The following UMODL1 variants were observed in gnomAD, a reference collection of about 807,000 sequenced individuals.
UMODL1 encodes uromodulin like 1.
UMODL1 carries 128 observed loss-of-function variants against 136.3 expected under a neutral mutation model. The ratio of observed to expected loss-of-function variants is 0.94; its 90% CI spans 0.81 to 1.09. The LOEUF (loss-of-function observed/expected upper bound fraction) is 1.09, where lower values mean the gene tolerates loss of function less well. Ranked by LOEUF, UMODL1 falls within the 50% of genes least tolerant of loss-of-function variation. UMODL1 has a pLI of 0.00. For synonymous variants in UMODL1, 721 were observed against 720.0 expected, an observed-to-expected ratio of 1.00 and a Z score of -0.02; for missense variants, 1,766 against 1,725.6, an observed-to-expected ratio of 1.02 and a Z score of -0.41.
intron 21 of UMODL1, among the ~76,000 whole-genome samples, chr21:42,130,789 G>A (rs1275679469): frequency 6.6e-6 from 1 of 151,908 alleles, no homozygotes; most frequent in Non-Finnish European, 1.5e-5. Flanking sequence ...GGCCAAGGCA[G>A]GCCTGGGTTC....
In UMODL1 at chr21:42,119,102, TC is replaced by T; in HGVS notation, c.2476-5del. 6.2e-7 allele frequency: 1 copy of T among 1,611,002 alleles called. No homozygotes were observed. Among genetic ancestry groups the T allele is most frequent in the Non-Finnish European group, 8.5e-7 (1 of 1,178,960 alleles). The stretch of plus-strand genomic sequence containing the variant: ...TGGGGACCTCCTCACATGGCCTCTT[TC>T]CCCGCAGGTGCGGGGCTCCCTGCCA... On this transcript the variant is annotated splice_polypyrimidine_tract_variant and splice_region_variant and intron_variant, in intron 14 of 22. Transcript: ENST00000408910.
At chr21:42,064,526 A>G (rs1281886815) in intron 1 of UMODL1, among the ~76,000 whole-genome samples, 1 of 152,132 alleles carries the variant, frequency 6.6e-6, no homozygotes, top group Non-Finnish European at 1.5e-5. Flanking sequence ...AGCCAATTTC[A>G]ATTTCTTAGA....
intron 2 of UMODL1, among the ~76,000 whole-genome samples, chr21:42,080,511 G>A (rs2066349722): frequency 6.6e-6 from 1 of 152,216 alleles, no homozygotes; most frequent in African/African-American, 2.4e-5. Flanking sequence ...GCAAAAAAGG[G>A]AACGGAAGCA....
chr21:42,124,204 C>G (rs1412228990), intron 17 of UMODL1, among the ~76,000 whole-genome samples: 1 of 152,212 alleles, frequency 6.6e-6, no homozygotes, highest in Non-Finnish European at 1.5e-5. Flanking sequence ...GTGTTCAGGG[C>G]CCTGCTTGGG....
At chr21:42,107,252 T>A (rs901799771) in intron 9 of UMODL1, among the ~76,000 whole-genome samples, 5 of 152,216 alleles carry the variant, frequency 3.3e-5, no homozygotes, top group Non-Finnish European at 7.3e-5. Context: ...CTGTGAACCC[T>A]CTGCACCGAC....
At chr21:42,090,493 C>CG in intron 6 of UMODL1, 55 bp downstream of exon 6, 34 of 1,596,230 alleles carry the variant, frequency 2.1e-5, no homozygotes, top group Non-Finnish European at 2.8e-5. Flanking sequence ...CTGTTTGCCC[C>CG]GGGAATACTC....
chr21:42,111,128 A>G lies in UMODL1; in HGVS notation c.1899+7A>G, dbSNP rs528661575. The stretch of plus-strand genomic sequence containing the variant: ...AAAAGGCGTGGAGCAGGAGGTGCCC[A>G]GCACTGCCCCGGGTCTGGGGATGGA... On this transcript the variant is annotated splice_region_variant and intron_variant, in intron 11 of 22. Transcript: ENST00000408910. 7 of 1,604,540 alleles carry G rather than the reference A, an allele frequency of 4.4e-6. No homozygotes were observed. In the South Asian group the frequency reaches 7.8e-5, roughly 18 times the overall value.
At chr21:42,101,294 C>T (rs868278471) in intron 7 of UMODL1, among the ~76,000 whole-genome samples, 6 of 152,080 alleles carry the variant, frequency 3.9e-5, no homozygotes, top group South Asian at 2.1e-4. Flanking sequence ...TGCGATACGT[C>T]GGGGCCTGAG....
chr21:42,127,872 C>T (rs2067082873), intron 20 of UMODL1, 41 bp downstream of exon 20: 7 of 1,607,540 alleles, frequency 4.4e-6, no homozygotes, highest in African/African-American at 1.3e-5. Context: ...GTTGGATTCA[C>T]GTTCCTTATT....
chr21:42,081,944 C>T (rs1447821931), intron 2 of UMODL1, among the ~76,000 whole-genome samples: 1 of 152,234 alleles, frequency 6.6e-6, no homozygotes, highest in Non-Finnish European at 1.5e-5. Flanking sequence ...AGCAAGCCTC[C>T]ACCAGGCTCC....
chr21:42,140,388 T>TA (rs202091174), intron 22 of UMODL1, among the ~76,000 whole-genome samples: 2 of 113,488 alleles, frequency 1.8e-5, no homozygotes, highest in Non-Finnish European at 2.0e-5. Flanking sequence ...CAGGAAGGGA[T>TA]GTGTCCCAGG....
At chr21:42,075,592 C>T (rs917400641) in intron 1 of UMODL1, among the ~76,000 whole-genome samples, 4 of 152,194 alleles carry the variant, frequency 2.6e-5, no homozygotes, top group South Asian at 2.1e-4. Context: ...TAGATGTGCA[C>T]GAGATTCTAC....
intron 21 of UMODL1, among the ~76,000 whole-genome samples, chr21:42,134,812 A>T (rs1601285353): frequency 6.7e-6 from 1 of 148,882 alleles, no homozygotes; most frequent in South Asian, 2.1e-4. Context: ...TTTAGTAGAG[A>T]CGGGGGTTTT....
chr21:42,125,499 G>C (rs998107230), intron 17 of UMODL1, among the ~76,000 whole-genome samples: 1 of 152,212 alleles, frequency 6.6e-6, no homozygotes, highest in Non-Finnish European at 1.5e-5. Flanking sequence ...AACCTGCACT[G>C]TTTCAACAGC....
At position 42,076,112 on chromosome 21, in the gene UMODL1, G is replaced by A. The variant is rs367819198; in HGVS notation, c.184G>A (p.Gly62Ser). 36 of 1,614,124 alleles carry A rather than the reference G, an allele frequency of 2.2e-5. No homozygotes were observed. The highest frequency in any genetic ancestry group is 1.6e-4 in the African/African-American group (12 of 74,946). ...GTCCTACACGTCCTATGTGTCCTGC[G>A]GCGGCTGGATCCCCTGGAGGCGGTG... is the stretch of plus-strand genomic sequence containing the variant. ...QTSYTSYVSC[G>S]GWIPWRRCPK... The change falls in exon 2 of 23, where the codon GGC (glycine) becomes AGC (serine). Residue 62 changes from glycine to serine, a missense_variant. Gly to Ser is a moderately conservative substitution (Grantham distance 56, BLOSUM62 0). Transcript: ENST00000408910.
At chr21:42,077,995 G>A (rs2066315218) in intron 2 of UMODL1, among the ~76,000 whole-genome samples, 1 of 152,212 alleles carries the variant, frequency 6.6e-6, no homozygotes, top group African/African-American at 2.4e-5. Flanking sequence ...ATGACAGGGA[G>A]AGTTGATGCG....
At chr21:42,116,073 C>G in intron 14 of UMODL1, 88 bp downstream of exon 14, 1 of 1,086,616 alleles carries the variant, frequency 9.2e-7, no homozygotes, top group Admixed American at 2.0e-5. Context: ...GGTGGCTCAC[C>G]CCTGTAATCC....
At chr21:42,072,509 A>G (rs1262161420) in intron 1 of UMODL1, among the ~76,000 whole-genome samples, 1 of 152,118 alleles carries the variant, frequency 6.6e-6, no homozygotes, top group East Asian at 1.9e-4. Flanking sequence ...GAAGCTGGAG[A>G]AGGTCTTAGG....
intron 3 of UMODL1, 147 bp downstream of exon 3, chr21:42,084,392 C>CTG: frequency 1.2e-6 from 1 of 820,488 alleles, no homozygotes; most frequent in Non-Finnish European, 1.7e-6. Flanking sequence ...CAGGCAGCAC[C>CTG]TGCTCTTAGA....
Sources: gnomAD v4.1 joint callset for allele counts (sites outside exome capture counted in the v4.1 genomes callset) on GRCh38, gnomAD v4.1.1 for gene constraint, MANE v1.5 for transcripts, NCBI Gene and HGNC (gene_info 2026-07-23, HGNC 2026-07-21) for gene names.